The following MSH5 variants were observed in gnomAD, a reference collection of about 807,000 sequenced individuals.
MSH5 encodes the protein mutS protein homolog 5.
Under a neutral mutation model 107.7 loss-of-function variants are expected in MSH5, and 78 were observed. That is an observed-to-expected ratio of 0.72 (90% CI 0.60 to 0.87). The LOEUF is 0.87. MSH5 is among the 40% of genes least tolerant of loss of function. The pLI, the probability that MSH5 is intolerant of heterozygous loss-of-function variation, is 0.00. For synonymous variants in MSH5, 326 were observed against 399.5 expected, an observed-to-expected ratio of 0.82 and a Z score of 2.19; for missense variants, 889 against 1,046.6, an observed-to-expected ratio of 0.85 and a Z score of 2.08.
rs2151376970 is a variant in MSH5 at position 31,759,459 on chromosome 6, C to G, written c.1442C>G (p.Ala481Gly). Residue 481 changes from alanine (A) to glycine (G), a missense_variant, in exon 17 of 25, where the codon GCC becomes GGC. Ala to Gly is a moderately conservative substitution (Grantham distance 60). This residue lies in a region of MSH5 where 362 missense variants were observed against 456.2 expected (regional missense o/e 0.79). Coordinates refer to ENST00000375750, the MANE Select transcript of MSH5 (RefSeq NM_172166.4). The surrounding 1 kb of genome is among the most constrained non-coding windows in gnomAD (Gnocchi z 4.7). ...GAGGAGAAGCTGCACTATCGTAGTG[C>G]CCGAACCAAGGAGCTGGATGCATTG... ...LSEEKLHYRSARTKELDALLG... is the reference protein window; with the variant it reads ...LSEEKLHYRSGRTKELDALLG... 1 of 1,612,680 alleles carries G rather than the reference C, an allele frequency of 6.2e-7. No homozygotes were observed. The highest frequency in any genetic ancestry group is 2.2e-5 in the East Asian group (1 of 44,876).
rs760532423 is a variant in MSH5 at position 31,759,630 on chromosome 6, C to T, written c.1495+118C>T. The T allele has an allele frequency of 3.3e-4, 438 of 1,331,992 alleles. No individual in the cohort carries two copies. The highest frequency in any genetic ancestry group is 3.8e-4 in the Non-Finnish European group (359 of 950,116). The allele number at this position is 1,331,992 out of a possible 1,614,324, so 82.5% of individuals were successfully genotyped here. ...CCAACAGGCCCCTCCTCTTCCTGCT[C>T]TCTGTCTCGCTCACTCTGACTCTAT... On this transcript the variant is annotated intron_variant, in intron 17 of 24. Coordinates refer to ENST00000375750, the MANE Select transcript of MSH5 (RefSeq NM_172166.4). The surrounding 1 kb of genome is among the most constrained non-coding windows in gnomAD (Gnocchi z 4.7).
rs17201109 is a variant in MSH5, at chr6:31,750,618, G to A, written c.813-2683G>A. ...GAGATACCTAAGTGTTTAGTGCAGCGCATGTGCTTTCTAAAGTGGGGATGG... is the reference window on the plus strand; with the variant it reads ...GAGATACCTAAGTGTTTAGTGCAGCACATGTGCTTTCTAAAGTGGGGATGG... On this transcript the variant is annotated intron_variant, in intron 10 of 24. Coordinates refer to ENST00000375750, the MANE Select transcript of MSH5 (RefSeq NM_172166.4). Among the ~76,000 whole-genome samples the A allele has an allele frequency of 7.9e-5, 12 of 152,304 alleles. 1 individual carries two copies. Among genetic ancestry groups the A allele is most frequent in the Admixed American group, 4.6e-4 (7 of 15,298 alleles).
At position 31,744,004 on chromosome 6, in the gene MSH5, T is replaced by C; in HGVS notation, c.516T>C (p.Ile172=). Residue 172 remains isoleucine, a synonymous_variant, in exon 6 of 25, where the codon ATT becomes ATC. Coordinates refer to ENST00000375750, the MANE Select transcript of MSH5 (RefSeq NM_172166.4). ...TEKILFLSSI[I]PFDCLLTVRA... ...AAATCCTCTTCCTCTCTTCCATTAT[T>C]CCCTTTGACTGCCTCCTCACAGTGA... 10 of 1,614,124 alleles carry C rather than the reference T, an allele frequency of 6.2e-6. No individual in the cohort carries two copies. Among genetic ancestry groups the C allele is most frequent in the Non-Finnish European group, 8.5e-6 (10 of 1,180,030 alleles).
intron 12 of MSH5, among the ~76,000 whole-genome samples, chr6:31,754,282 T>C (rs1810247672): frequency 6.6e-6 from 1 of 151,756 alleles, no homozygotes; most frequent in Admixed American, 6.6e-5. Context: ...CCCAAATAGC[T>C]GGGATTACAG....
At position 31,761,085 on chromosome 6, in the gene MSH5, C is replaced by A; in HGVS notation, c.1963-103C>A. On this transcript the variant is annotated intron_variant, in intron 20 of 24. Transcript: ENST00000375750. The surrounding 1 kb of genome is among the most constrained non-coding windows in gnomAD (Gnocchi z 5.3). ...CCTCACCATTCAAGAACTTGCAGTG[C>A]AGTAGGGAGGGCATGTATACAGCTT... The A allele has an allele frequency of 8.6e-7, 1 of 1,168,788 alleles. No individual in the cohort carries two copies. The highest frequency in any genetic ancestry group is 1.2e-6 in the Non-Finnish European group (1 of 807,412). The allele number at this position is 1,168,788 out of a possible 1,614,324, so 72.4% of individuals were successfully genotyped here.
Position 31,753,442 on chromosome 6 carries a change from G to A in MSH5, c.951+3G>A. 6.2e-7 allele frequency: 1 copy of A among 1,613,656 alleles called. No homozygotes were observed. Among genetic ancestry groups the A allele is most frequent in the African/African-American group, 1.3e-5 (1 of 75,008 alleles). On this transcript the variant is annotated splice_donor_region_variant and intron_variant, in intron 11 of 24. Coordinates refer to ENST00000375750, the MANE Select transcript of MSH5 (RefSeq NM_172166.4). ...TGGGTCACATCAAGAACGTGCCTGT[G>A]AGCCCAGGGTGGAGGGCAGGGAGGT... is the stretch of plus-strand genomic sequence containing the variant.
rs911714366 is a variant in MSH5 at position 31,761,843 on chromosome 6, A to G, written c.2207A>G (p.Asn736Ser). 9 of 1,612,966 alleles carry G rather than the reference A, an allele frequency of 5.6e-6. No homozygotes were observed. In the Admixed American group the frequency reaches 1.5e-4, roughly 27 times the overall value. The part of the protein sequence containing the change: ...YLTMETCEDG[N>S]DLVFFYQVCE... Reference sequence around the variant, plus strand: ...ACCATGGAGACCTGTGAGGATGGCAACGATCTTGTCTTCTTCTATCAGGTT... The same window carrying G: ...ACCATGGAGACCTGTGAGGATGGCAGCGATCTTGTCTTCTTCTATCAGGTT... Residue 736 changes from asparagine to serine, a missense_variant, in exon 23 of 25, where the codon AAC becomes AGC. Physicochemically the swap from Asn to Ser is conservative, Grantham distance 46. Coordinates refer to ENST00000375750, the MANE Select transcript of MSH5 (RefSeq NM_172166.4). This position sits in a 1 kb window ranked among gnomAD's most constrained non-coding sequence, Gnocchi z 5.3.
chr6:31,749,207 C>G (rs1809734899), intron 10 of MSH5, among the ~76,000 whole-genome samples: 1 of 152,178 alleles, frequency 6.6e-6, no homozygotes, highest in African/African-American at 2.4e-5. Flanking sequence ...AGCCACTGTG[C>G]CCGGCCTGGA....
intron 12 of MSH5, among the ~76,000 whole-genome samples, chr6:31,755,577 G>T (rs1292440544): frequency 1.3e-5 from 2 of 152,068 alleles, no homozygotes; most frequent in Admixed American, 6.6e-5. Context: ...GGTCGGGCTG[G>T]TCTCGAACTC....
In MSH5 at chr6:31,761,808, C is replaced by T; in HGVS notation, c.2182-10C>T. 2 of 1,613,090 alleles carry T rather than the reference C, an allele frequency of 1.2e-6. No homozygotes were observed. Among genetic ancestry groups the T allele is most frequent in the Non-Finnish European group, 1.7e-6 (2 of 1,180,024 alleles). ...GATTGATGATACACTGTCTTTTATT[C>T]TCTTTTAAGACCATGGAGACCTGTG... is the stretch of plus-strand genomic sequence containing the variant. On this transcript the variant is annotated splice_polypyrimidine_tract_variant and intron_variant, in intron 22 of 24. Transcript: ENST00000375750. This position sits in a 1 kb window ranked among gnomAD's most constrained non-coding sequence, Gnocchi z 5.3.
intron 10 of MSH5, among the ~76,000 whole-genome samples, chr6:31,751,099 C>A (rs1020919366): frequency 6.6e-6 from 1 of 152,144 alleles, no homozygotes; most frequent in Admixed American, 6.5e-5. Context: ...CCCGGGTTTA[C>A]ACCATTCTGC....
intron 10 of MSH5, among the ~76,000 whole-genome samples, chr6:31,752,080 CAG>C (rs1227156167): frequency 5.9e-5 from 9 of 152,148 alleles, no homozygotes; most frequent in Middle Eastern, 3.4e-3. Context: ...GCCTGGGCGA[CAG>C]AGCAAGACTC....
intron 10 of MSH5, 43 bp downstream of exon 10, chr6:31,747,475 C>T (rs1581526117): frequency 6.3e-7 from 1 of 1,582,830 alleles, no homozygotes; most frequent in Non-Finnish European, 8.7e-7. Flanking sequence ...GCATGAATTC[C>T]ATATGCACAC....
intron 5 of MSH5, chr6:31,743,612 T>C: frequency 4.1e-6 from 2 of 492,916 alleles, no homozygotes; most frequent in Non-Finnish European, 7.1e-6. Flanking sequence ...CTAGTTCTAT[T>C]AATACCATTA....
chr6:31,750,865 C>G (rs1342959440), intron 10 of MSH5, among the ~76,000 whole-genome samples: 1 of 152,168 alleles, frequency 6.6e-6, no homozygotes, highest in East Asian at 1.9e-4. Context: ...ATCCTTAGTA[C>G]TTGTTCTATG....
At position 31,762,665 on chromosome 6, in the gene MSH5, A is replaced by T. The variant is rs1228490027; in HGVS notation, c.*134A>T. The T allele has an allele frequency of 3.3e-6, 2 of 603,730 alleles. No individual in the cohort carries two copies. The highest frequency in any genetic ancestry group is 3.7e-5 in the African/African-American group (2 of 53,670). The allele number at this position is 603,730 out of a possible 1,614,324, so 37.4% of individuals were successfully genotyped here. ...TTGTTTCATATTAGGAATAAAGTTT[A>T]TTTTGAAGAAAGATATTGTTTCTTT... is the stretch of plus-strand genomic sequence containing the variant. On this transcript the variant is annotated 3_prime_UTR_variant, in exon 25 of 25. Transcript: ENST00000375750.
In MSH5 at chr6:31,759,034, TG is replaced by T. The variant is rs565608724; in HGVS notation, c.1327-59del. Reference sequence around the variant, plus strand: ...GGGATCTTTTAAGCTCCCTCTAGGGTGGGGAGGTGTCCAGTAAGTCTCCAAG... The same window carrying T: ...GGGATCTTTTAAGCTCCCTCTAGGGTGGGAGGTGTCCAGTAAGTCTCCAAG... On this transcript the variant is annotated intron_variant, in intron 15 of 24. Transcript: ENST00000375750. This position sits in a 1 kb window ranked among gnomAD's most constrained non-coding sequence, Gnocchi z 4.7. 2.9e-4 allele frequency: 433 copies of T among 1,496,818 alleles called. 1 individual carries two copies. In the African/African-American group the frequency reaches 5.4e-3, roughly 19 times the overall value. The allele number at this position is 1,496,818 out of a possible 1,614,324, so 92.7% of individuals were successfully genotyped here.
intron 3 of MSH5, among the ~76,000 whole-genome samples, chr6:31,742,522 G>T (rs1469167186): frequency 6.6e-6 from 1 of 152,142 alleles, no homozygotes; most frequent in African/African-American, 2.4e-5. Flanking sequence ...CCTCCCAAAG[G>T]GCAGGGATTA....
rs551287527 is a variant in MSH5 at position 31,742,960 on chromosome 6, A to G, written c.352+3A>G. On this transcript the variant is annotated splice_donor_region_variant and intron_variant, in intron 4 of 24. Coordinates refer to ENST00000375750, the MANE Select transcript of MSH5 (RefSeq NM_172166.4). ...GACTCGATTTCTGGGAAAGCTTGGT[A>G]AGGACTTGGTAAAGGATAGAGGGAA... The G allele has an allele frequency of 4.3e-6, 7 of 1,613,002 alleles. No homozygotes were observed. Among genetic ancestry groups the G allele is most frequent in the South Asian group, 1.1e-5 (1 of 91,080 alleles).
Sources: allele counts gnomAD v4.1 joint callset (sites outside exome capture counted in the v4.1 genomes callset), GRCh38; gene constraint gnomAD v4.1.1; regional missense constraint gnomAD v4.1.1; non-coding constraint Gnocchi (gnomAD v3.1); transcripts MANE v1.5; gene names NCBI Gene and HGNC (gene_info 2026-07-23, HGNC 2026-07-21).